Variants in ABCD2 observed in about 807,000 individuals in gnomAD.
ABCD2 encodes the protein ATP-binding cassette sub-family D member 2.
Under a neutral mutation model 70.9 loss-of-function variants are expected in ABCD2, and 36 were observed. The observed-to-expected ratio is 0.51, with a 90% confidence interval of 0.39 to 0.67. ABCD2 has a LOEUF of 0.67. Ranked by LOEUF, ABCD2 falls within the 30% of genes least tolerant of loss-of-function variation. ABCD2 has a pLI of 0.00. For synonymous variants in ABCD2, 304 were observed against 306.9 expected, an observed-to-expected ratio of 0.99 and a Z score of 0.10; for missense variants, 729 against 890.2, an observed-to-expected ratio of 0.82 and a Z score of 2.30.
chr12:39,580,696 C>T (rs749109512), intron 7 of ABCD2, among the ~76,000 whole-genome samples: 13 of 151,996 alleles, frequency 8.6e-5, no homozygotes, highest in Non-Finnish European at 1.5e-4. Flanking sequence ...AAAATGATGC[C>T]AAAACCTAAC....
Position 39,598,562 on chromosome 12 carries a change from G to A in ABCD2, c.1646+2009C>T, listed in dbSNP as rs191247230. On this transcript the variant is annotated intron_variant, in intron 6 of 9. Transcript: ENST00000308666. ...ATTACAGGCACGCACCACCACACCC[G>A]GCTAATTTTGTATTCTTAGTAGAGA... is the stretch of plus-strand genomic sequence containing the variant. Among the ~76,000 whole-genome samples the A allele has an allele frequency of 2.7e-3, 406 of 151,954 alleles. 2 individuals are homozygous for A. The highest frequency in any genetic ancestry group is 9.2e-3 in the African/African-American group (382 of 41,436).
chr12:39,545,647 C>A (rs11172527), downstream of ABCD2, among the ~76,000 whole-genome samples: 4,302 of 152,238 alleles, frequency 0.028, 113 homozygotes, highest in East Asian at 0.099. Flanking sequence ...TTGCTTTCTG[C>A]TGTGAATTGA....
intron 9 of ABCD2, among the ~76,000 whole-genome samples, chr12:39,562,088 A>G (rs1941268262): frequency 6.6e-6 from 1 of 152,168 alleles, no homozygotes; most frequent in African/African-American, 2.4e-5. Flanking sequence ...ATATTGGTTA[A>G]CCAATGGGTC....
chr12:39,596,287 T>C lies in ABCD2; in HGVS notation c.1646+4284A>G, dbSNP rs1941813826. 2.0e-5 allele frequency among the ~76,000 whole-genome samples: 3 copies of C among 152,348 alleles called. No individual in the cohort carries two copies. The South Asian group carries it at 6.2e-4, about 32-fold the overall frequency. ...ATTTTTTCCTCATTTTGAACATCCA[T>C]AGCATTTCTTGCCTTTCTTGAGGCA... On this transcript the variant is annotated intron_variant, in intron 6 of 9. Coordinates refer to ENST00000308666, the MANE Select transcript of ABCD2 (RefSeq NM_005164.4).
At chr12:39,563,351 C>A (rs1400280520) in intron 9 of ABCD2, among the ~76,000 whole-genome samples, 1 of 152,042 alleles carries the variant, frequency 6.6e-6, no homozygotes, top group African/African-American at 2.4e-5. Context: ...ATGATCACAC[C>A]TCTGCAGTCC....
At chr12:39,538,196 G>A in the ABCD2 span, among the ~76,000 whole-genome samples, 1 of 145,414 alleles carries the variant, frequency 6.9e-6, no homozygotes, top group African/African-American at 2.6e-5. Context: ...TTGAGGTGGA[G>A]TCTCGCTGTG....
At chr12:39,589,652 G>C (rs1277863842) in intron 6 of ABCD2, among the ~76,000 whole-genome samples, 1 of 152,038 alleles carries the variant, frequency 6.6e-6, no homozygotes, top group Non-Finnish European at 1.5e-5. Context: ...CTCCCAAAGT[G>C]CTGGGATTAC....
intron 9 of ABCD2, among the ~76,000 whole-genome samples, chr12:39,556,190 A>G (rs1355741852): frequency 1.3e-5 from 2 of 152,202 alleles, no homozygotes; most frequent in African/African-American, 4.8e-5. Context: ...TGGACAGAAT[A>G]AAGTGCCAGT....
Position 39,618,770 on chromosome 12 carries a change from C to T in ABCD2, c.846G>A (p.Val282=). The stretch of plus-strand genomic sequence containing the variant: ...AGCCTTTTCTATGTGCTTCCTCTGC[C>T]ACCAGTTTGCCAAATTTGGGAGAAC... ...KACSPKFGKL[V]AEEAHRKGYL... Residue 282 remains valine (V), a synonymous_variant, in exon 1 of 10, where the codon GTG becomes GTA. Transcript: ENST00000308666. The T allele has an allele frequency of 1.2e-6, 2 of 1,614,178 alleles. No individual in the cohort carries two copies. The highest frequency in any genetic ancestry group is 1.1e-5 in the South Asian group (1 of 91,086).
At chr12:39,618,089 A>T (rs1055219906) in intron 1 of ABCD2, among the ~76,000 whole-genome samples, 1 of 151,424 alleles carries the variant, frequency 6.6e-6, no homozygotes. Context: ...TTGTCAAAGT[A>T]CAGTGCTGAA....
At chr12:39,597,536 T>A (rs781082497) in intron 6 of ABCD2, among the ~76,000 whole-genome samples, 33 of 152,092 alleles carry the variant, frequency 2.2e-4, no homozygotes, top group Non-Finnish European at 3.7e-4. Context: ...AAATTCAGGA[T>A]CTATGTCCAA....
At chr12:39,608,121 T>A (rs1221559022) in intron 2 of ABCD2, among the ~76,000 whole-genome samples, 1 of 151,346 alleles carries the variant, frequency 6.6e-6, no homozygotes, top group Non-Finnish European at 1.5e-5. Flanking sequence ...TGAACAGAGA[T>A]CATGCCACTG....
intron 6 of ABCD2, among the ~76,000 whole-genome samples, chr12:39,591,462 C>T (rs545553364): frequency 1.1e-4 from 17 of 151,956 alleles, no homozygotes; most frequent in Non-Finnish European, 2.1e-4. Context: ...CTGTAATCCC[C>T]GTAATTTGGG....
At chr12:39,597,423 T>C (rs1424343597) in intron 6 of ABCD2, among the ~76,000 whole-genome samples, 1 of 152,162 alleles carries the variant, frequency 6.6e-6, no homozygotes, top group Non-Finnish European at 1.5e-5. Flanking sequence ...AAGTAACAAA[T>C]AGGCCATAAA....
chr12:39,580,540 A>T lies in ABCD2; in HGVS notation c.1793-921T>A, dbSNP rs552637564. Among the ~76,000 whole-genome samples the T allele has an allele frequency of 5.1e-4, 77 of 152,336 alleles. 1 individual carries two copies. The South Asian group carries it at 0.016, about 31-fold the overall frequency. ...CTACACATATACTTCCAAGAACAGA[A>T]TTAGATTCATTTCCTAAGTTATTCA... On this transcript the variant is annotated intron_variant, in intron 7 of 9. Coordinates refer to ENST00000308666, the MANE Select transcript of ABCD2 (RefSeq NM_005164.4).
rs570275670 is a variant in ABCD2, at chr12:39,582,084, G to C, written c.1793-2465C>G. On this transcript the variant is annotated intron_variant, in intron 7 of 9. Transcript: ENST00000308666. ...TTCTTTCAAATTAAATAATGCACTT[G>C]CAAATTTAAGTGTTTTCCTGCCTTG... is the stretch of plus-strand genomic sequence containing the variant. Among the ~76,000 whole-genome samples, 7 of 152,190 alleles carry C rather than the reference G, an allele frequency of 4.6e-5. No homozygotes were observed. The South Asian group carries it at 1.2e-3, about 27-fold the overall frequency.
intron 9 of ABCD2, 89 bp from the exon 10 acceptor site, chr12:39,554,220 G>A: frequency 2.3e-6 from 3 of 1,294,820 alleles, no homozygotes; most frequent in Non-Finnish European, 3.1e-6. Flanking sequence ...GATACCCAAA[G>A]GCAAATTTTA....
chr12:39,560,885 A>G (rs936129846), intron 9 of ABCD2, among the ~76,000 whole-genome samples: 3 of 152,174 alleles, frequency 2.0e-5, no homozygotes, highest in Non-Finnish European at 2.9e-5. Context: ...GTAACTACAG[A>G]GCAAAAATCT....
chr12:39,597,622 A>G (rs1482519895), intron 6 of ABCD2, among the ~76,000 whole-genome samples: 1 of 152,208 alleles, frequency 6.6e-6, no homozygotes, highest in African/African-American at 2.4e-5. Context: ...CTTAAGGAGT[A>G]CATTCACATG....
Sources: gnomAD v4.1 joint callset for allele counts (sites outside exome capture counted in the v4.1 genomes callset) on GRCh38, gnomAD v4.1.1 for gene constraint, MANE v1.5 for transcripts, NCBI Gene and HGNC (gene_info 2026-07-23, HGNC 2026-07-21) for gene names.